The following HSPG2 variants were observed in gnomAD, a reference collection of about 807,000 sequenced individuals.
HSPG2 encodes the protein basement membrane-specific heparan sulfate proteoglycan core protein.
HSPG2 carries 278 observed loss-of-function variants against 526.6 expected under a neutral mutation model. That is an observed-to-expected ratio of 0.53 (90% CI 0.48 to 0.58). The LOEUF (loss-of-function observed/expected upper bound fraction) is 0.58. Ranked by LOEUF, HSPG2 falls within the 20% of genes least tolerant of loss-of-function variation. The pLI, the probability that HSPG2 is intolerant of heterozygous loss-of-function variation, is 0.00. For missense variants in HSPG2, 5,354 were observed against 6,099.5 expected, an observed-to-expected ratio of 0.88 and a Z score of 4.07; for synonymous variants, 2,465 against 2,555.4, an observed-to-expected ratio of 0.96 and a Z score of 1.07.
At chr1:21,935,707 A>T (rs1644471010) in intron 1 of HSPG2, among the ~76,000 whole-genome samples, 3 of 152,222 alleles carry the variant, frequency 2.0e-5, no homozygotes, top group African/African-American at 7.2e-5. Context: ...AGCTGGGGGA[A>T]GGTCAGGAAA....
At position 21,847,887 on chromosome 1, in the gene HSPG2, T is replaced by C. The variant is rs113578258; in HGVS notation, c.7874-47A>G. 0.021 allele frequency: 33,479 copies of C among 1,613,682 alleles called. 467 individuals are homozygous for C. The highest frequency in any genetic ancestry group is 0.057 in the South Asian group (5,155 of 91,076). ...CCACGCAGCCAGAGTGAGATAACAG[T>C]GATGGCACCGGGGACCTCTCTGCCA... On this transcript the variant is annotated intron_variant, in intron 60 of 96. Coordinates refer to ENST00000374695, the MANE Select transcript of HSPG2 (RefSeq NM_005529.7). The surrounding 1 kb of genome is among the most constrained non-coding windows in gnomAD (Gnocchi z 4.1).
intron 1 of HSPG2, among the ~76,000 whole-genome samples, chr1:21,923,886 A>C (rs1229537069): frequency 5.3e-5 from 8 of 152,208 alleles, no homozygotes; most frequent in Admixed American, 5.2e-4. Context: ...CTTCTGGGGA[A>C]AATTAAGCTC....
rs754604396 is a variant in HSPG2, at chr1:21,852,942, C to A, written c.6568G>T (p.Gly2190Cys). ...ACCTGGTGCCGGGCAGGGAGGCTGCCCCCACGCTTGTGCCACGTGACCTGG... is the reference window on the plus strand; with the variant it reads ...ACCTGGTGCCGGGCAGGGAGGCTGCACCCACGCTTGTGCCACGTGACCTGG... The part of the protein sequence containing the change: ...HAQVTWHKRG[G>C]SLPARHQTHG... Residue 2190 changes from glycine (G) to cysteine (C), a missense_variant, in exon 51 of 97, where the codon GGC becomes TGC. Transcript: ENST00000374695. 3.1e-6 allele frequency: 5 copies of A among 1,613,326 alleles called. No individual in the cohort carries two copies. Among genetic ancestry groups the A allele is most frequent in the Admixed American group, 3.3e-5 (2 of 60,014 alleles).
chr1:21,928,569 T>C (rs1644266415), intron 1 of HSPG2, among the ~76,000 whole-genome samples: 1 of 151,630 alleles, frequency 6.6e-6, no homozygotes, highest in African/African-American at 2.4e-5. Context: ...GCCTCCTGAG[T>C]AGCTGAGACT....
At chr1:21,877,962 C>T (rs1430158393) in intron 21 of HSPG2, among the ~76,000 whole-genome samples, 2 of 152,228 alleles carry the variant, frequency 1.3e-5, no homozygotes, top group Non-Finnish European at 2.9e-5. Context: ...TAAAGAATGA[C>T]TGGGACTTGA....
rs770909702 is a variant in HSPG2, at chr1:21,865,098, C to T, written c.4396-25G>A. 1.5e-5 allele frequency: 24 copies of T among 1,550,880 alleles called. No homozygotes were observed. Among genetic ancestry groups the T allele is most frequent in the Middle Eastern group, 2.2e-4 (1 of 4,610 alleles). On this transcript the variant is annotated intron_variant, in intron 35 of 96. Coordinates refer to ENST00000374695, the MANE Select transcript of HSPG2 (RefSeq NM_005529.7). The surrounding 1 kb of genome is among the most constrained non-coding windows in gnomAD (Gnocchi z 5.4). ...CCTGGGTTGGGGGTGGCAACGTGGG[C>T]GGGGGCAGTGGGCTTTGTGGGCTGC...
chr1:21,924,025 G>C (rs1644117014), intron 1 of HSPG2, among the ~76,000 whole-genome samples: 1 of 152,154 alleles, frequency 6.6e-6, no homozygotes, highest in South Asian at 2.1e-4. Flanking sequence ...CAAGAGCAGA[G>C]GTGAACTGAC....
In HSPG2 at chr1:21,851,572, C is replaced by A; in HGVS notation, c.7132G>T (p.Gly2378Trp). The A allele has an allele frequency of 6.2e-7, 1 of 1,614,062 alleles. No homozygotes were observed. The highest frequency in any genetic ancestry group is 8.5e-7 in the Non-Finnish European group (1 of 1,180,042). Reference sequence around the variant, plus strand: ...TGGTGCCGGACAGGGAGGCTGCCCCCACGCTTGTGCCACGTGACCTGGGCA... The same window carrying A: ...TGGTGCCGGACAGGGAGGCTGCCCCAACGCTTGTGCCACGTGACCTGGGCA... The part of the protein sequence containing the change: ...SHAQVTWHKR[G>W]GSLPVRHQTH... The change falls in exon 55 of 97, where the codon GGG (glycine) becomes TGG (tryptophan). Residue 2378 changes from glycine to tryptophan, a missense_variant. By Grantham distance (184) the Gly-to-Trp change is radical (BLOSUM62 -2). Coordinates refer to ENST00000374695, the MANE Select transcript of HSPG2 (RefSeq NM_005529.7).
chr1:21,841,571 A>G lies in HSPG2; in HGVS notation c.9296T>C (p.Val3099Ala). The G allele has an allele frequency of 6.2e-7, 1 of 1,614,248 alleles. No homozygotes were observed. Among genetic ancestry groups the G allele is most frequent in the South Asian group, 1.1e-5 (1 of 91,088 alleles). The stretch of plus-strand genomic sequence containing the variant: ...ACTGAGGTTCACCACACTCTGGGCC[A>G]CACCGTAGGCATTGGAGGCCACGCA... ...YRCVASNAYG[V>A]AQSVVNLSVH... Residue 3099 changes from valine to alanine, a missense_variant, in exon 70 of 97, where the codon GTG becomes GCG. By Grantham distance (64) the Val-to-Ala change is moderately conservative (BLOSUM62 0). Transcript: ENST00000374695.
At chr1:21,884,257 G>A (rs191453045) in intron 13 of HSPG2, among the ~76,000 whole-genome samples, 6 of 152,264 alleles carry the variant, frequency 3.9e-5, no homozygotes, top group South Asian at 4.1e-4. Flanking sequence ...GGTGGACAGC[G>A]TCCACGTCAG....
Position 21,874,988 on chromosome 1 carries a change from C to T in HSPG2, c.3317G>A (p.Ser1106Asn). The change falls in exon 26 of 97, where the codon AGC becomes AAC. Residue 1106 changes from serine (S) to asparagine (N), a missense_variant. Physicochemically the swap from Ser to Asn is conservative, Grantham distance 46. Coordinates refer to ENST00000374695, the MANE Select transcript of HSPG2 (RefSeq NM_005529.7). ...TTCCTCGGGCACAGCCACGTCCATG[C>T]TGATGCCAGAGACCCTGGGCGTGAC... is the stretch of plus-strand genomic sequence containing the variant. ...QPAESRVSGI[S>N]MDVAVPEETG... 1 of 1,602,730 alleles carries T rather than the reference C, an allele frequency of 6.2e-7. No individual in the cohort carries two copies. Among genetic ancestry groups the T allele is most frequent in the Non-Finnish European group, 8.5e-7 (1 of 1,174,536 alleles).
In HSPG2 at chr1:21,829,611, C is replaced by T. The variant is rs1298974804; in HGVS notation, c.11771-7G>A. 6.2e-7 allele frequency: 1 copy of T among 1,600,820 alleles called. No homozygotes were observed. The highest frequency in any genetic ancestry group is 8.5e-7 in the Non-Finnish European group (1 of 1,171,960). ...GGGGTGGTCACTGTCACACCTGCAG[C>T]AGCCACAGCTCAGCTGAGGCAGTGG... On this transcript the variant is annotated splice_region_variant and splice_polypyrimidine_tract_variant and intron_variant, in intron 86 of 96. Coordinates refer to ENST00000374695, the MANE Select transcript of HSPG2 (RefSeq NM_005529.7).
rs1638929365 is a variant in HSPG2, at chr1:21,851,892, G to A, written c.6905C>T (p.Ser2302Leu). The A allele has an allele frequency of 6.2e-7, 1 of 1,611,068 alleles. No individual in the cohort carries two copies. Among genetic ancestry groups the A allele is most frequent in the Non-Finnish European group, 8.5e-7 (1 of 1,179,160 alleles). The change falls in exon 54 of 97, where the codon TCA becomes TTA. Residue 2302 changes from serine (S) to leucine (L), a missense_variant. Ser to Leu is a moderately radical substitution (Grantham distance 145). Transcript: ENST00000374695. Reference protein sequence around the residue: ...RGSRLYIFQASPADAGQYVCR... With the variant: ...RGSRLYIFQALPADAGQYVCR... ...GACGTACTGTCCCGCATCGGCAGGTGAGGCCTGGAAGATGTACAGGCGGGA... is the reference window on the plus strand; with the variant it reads ...GACGTACTGTCCCGCATCGGCAGGTAAGGCCTGGAAGATGTACAGGCGGGA...
rs576191085 is a variant in HSPG2 at position 21,917,839 on chromosome 1, T to C, written c.63+19316A>G. 3.3e-4 allele frequency among the ~76,000 whole-genome samples: 50 copies of C among 152,308 alleles called. No homozygotes were observed. The South Asian group carries it at 8.3e-3, about 25-fold the overall frequency. On this transcript the variant is annotated intron_variant, in intron 1 of 96. Coordinates refer to ENST00000374695, the MANE Select transcript of HSPG2 (RefSeq NM_005529.7). The stretch of plus-strand genomic sequence containing the variant: ...TCTCCCTACAAATATGTGGACTTAA[T>C]TTCTACCTCAGAACACTAGAGATTC...
At chr1:21,831,821 A>G (rs1359819610) in intron 81 of HSPG2, 25 bp from the exon 82 acceptor site, 2 of 1,580,614 alleles carry the variant, frequency 1.3e-6, no homozygotes, top group Non-Finnish European at 1.7e-6. Flanking sequence ...AGGCCGGGGC[A>G]GGAGAGAGTG....
At chr1:21,850,524 G>A (rs1290453848) in intron 55 of HSPG2, 26 bp from the exon 56 acceptor site, 2 of 1,588,754 alleles carry the variant, frequency 1.3e-6, no homozygotes, top group Non-Finnish European at 1.7e-6. Context: ...GTGAGTCAGA[G>A]GGAGCCCTCA....
At position 21,839,783 on chromosome 1, in the gene HSPG2, C is replaced by A. The variant is rs1222269182; in HGVS notation, c.9709+39G>T. On this transcript the variant is annotated intron_variant, in intron 72 of 96. Transcript: ENST00000374695. The surrounding 1 kb of genome is among the most constrained non-coding windows in gnomAD (Gnocchi z 4.5). Reference sequence around the variant, plus strand: ...TCTACATTTCAGACCCCAGGGCATCCCTGCCCTGCCAGCCCTATGTGCCAG... The same window carrying A: ...TCTACATTTCAGACCCCAGGGCATCACTGCCCTGCCAGCCCTATGTGCCAG... 1 of 1,598,010 alleles carries A rather than the reference C, an allele frequency of 6.3e-7. No homozygotes were observed. Among genetic ancestry groups the A allele is most frequent in the East Asian group, 2.2e-5 (1 of 44,812 alleles).
chr1:21,921,905 C>T (rs1262371677), intron 1 of HSPG2, among the ~76,000 whole-genome samples: 3 of 152,180 alleles, frequency 2.0e-5, no homozygotes, highest in Admixed American at 1.3e-4. Flanking sequence ...TCCCACCTTG[C>T]TCCCCTCCCA....
At chr1:21,867,559 G>A (rs889182699) in intron 33 of HSPG2, among the ~76,000 whole-genome samples, 1 of 152,156 alleles carries the variant, frequency 6.6e-6, no homozygotes, top group African/African-American at 2.4e-5. Flanking sequence ...TGAGGATTAA[G>A]TAATATAGGA....
Sources: allele counts gnomAD v4.1 joint callset (sites outside exome capture counted in the v4.1 genomes callset), GRCh38; gene constraint gnomAD v4.1.1; non-coding constraint Gnocchi (gnomAD v3.1); transcripts MANE v1.5; gene names NCBI Gene and HGNC (gene_info 2026-07-23, HGNC 2026-07-21).